Variants in PRKCE observed in about 807,000 individuals in gnomAD.
The protein encoded by PRKCE is protein kinase C epsilon type.
PRKCE carries 16 observed loss-of-function variants against 85.4 expected under a neutral mutation model. That is an observed-to-expected ratio of 0.19 (90% confidence interval 0.13 to 0.28). The LOEUF (loss-of-function observed/expected upper bound fraction) is 0.28. Among genes scored for constraint, PRKCE ranks in the 10% least tolerant of loss-of-function variants. The pLI, the probability that PRKCE is intolerant of heterozygous loss-of-function variation, is 1.00. For missense variants in PRKCE, 573 were observed against 975.2 expected, an observed-to-expected ratio of 0.59 and a Z score of 5.49; for synonymous variants, 388 against 371.5, an observed-to-expected ratio of 1.04 and a Z score of -0.51.
Position 45,807,522 on chromosome 2 carries a change from A to G in PRKCE, c.349-35478A>G, listed in dbSNP as rs77007800. On this transcript the variant is annotated intron_variant, in intron 1 of 14. Transcript: ENST00000306156. ...ACTAGAAAACAGCAAAGGGTACAGA[A>G]AAGCCATTTGTAGAAATGGAGACGA... is the stretch of plus-strand genomic sequence containing the variant. 9.6e-3 allele frequency among the ~76,000 whole-genome samples: 1,468 copies of G among 152,342 alleles called. 36 individuals are homozygous for G. Among genetic ancestry groups the G allele is most frequent in the East Asian group, 0.091 (469 of 5,176 alleles).
intron 9 of PRKCE, among the ~76,000 whole-genome samples, chr2:46,008,191 A>C (rs529727805): frequency 6.6e-6 from 1 of 152,322 alleles, no homozygotes; most frequent in Non-Finnish European, 1.5e-5. Flanking sequence ...TACACGTGGC[A>C]AGAAAATGGG....
intron 1 of PRKCE, among the ~76,000 whole-genome samples, chr2:45,703,601 C>A (rs146619641): frequency 6.6e-6 from 1 of 151,596 alleles, no homozygotes; most frequent in African/African-American, 2.4e-5. Flanking sequence ...GTAGAGGCAC[C>A]TTTTTTTTGG....
At chr2:45,737,987 A>G (rs919042470) in intron 1 of PRKCE, among the ~76,000 whole-genome samples, 1 of 151,618 alleles carries the variant, frequency 6.6e-6, no homozygotes, top group African/African-American at 2.4e-5. Context: ...CCTTTTCCCC[A>G]TGTGCTCAAC....
At chr2:45,737,854 C>T (rs1682214231) in intron 1 of PRKCE, among the ~76,000 whole-genome samples, 1 of 152,148 alleles carries the variant, frequency 6.6e-6, no homozygotes, top group Non-Finnish European at 1.5e-5. Flanking sequence ...TCAACCTGGA[C>T]ATCGCCCCAA....
intron 10 of PRKCE, among the ~76,000 whole-genome samples, chr2:46,039,911 T>A (rs1449738089): frequency 6.6e-6 from 1 of 152,240 alleles, no homozygotes; most frequent in African/African-American, 2.4e-5. Context: ...CCATCCTAGA[T>A]TTATTTCTCT....
rs1345337935 is a variant in PRKCE at position 45,931,746 on chromosome 2, A to T, written c.413-44683A>T. On this transcript the variant is annotated intron_variant, in intron 2 of 14. Coordinates refer to ENST00000306156, the MANE Select transcript of PRKCE (RefSeq NM_005400.3). ...TTTTGAGAGAGAGTCTTGCTCTGCC[A>T]CCCAGGCTGGAGTGCAGTGGCGCGA... 2.0e-5 allele frequency among the ~76,000 whole-genome samples: 3 copies of T among 152,028 alleles called. No homozygotes were observed. In the South Asian group the frequency reaches 6.2e-4, roughly 32 times the overall value.
chr2:45,732,020 C>T (rs6727174), intron 1 of PRKCE, among the ~76,000 whole-genome samples: 9,134 of 152,206 alleles, frequency 0.06, 908 homozygotes, highest in African/African-American at 0.2. Context: ...CTAGAAATTC[C>T]ACCCTTAGAA....
chr2:45,941,242 G>A (rs958873248), intron 2 of PRKCE, among the ~76,000 whole-genome samples: 111 of 152,194 alleles, frequency 7.3e-4, no homozygotes, highest in African/African-American at 2.5e-3. Context: ...ACCCATTCTA[G>A]TGGCTGAGAT....
At chr2:46,111,841 G>A (rs1672284001) in intron 11 of PRKCE, among the ~76,000 whole-genome samples, 1 of 152,160 alleles carries the variant, frequency 6.6e-6, no homozygotes, top group African/African-American at 2.4e-5. Flanking sequence ...GAGTGGACTT[G>A]CTGGGTCAAG....
At chr2:45,722,249 A>G (rs6544846) in intron 1 of PRKCE, among the ~76,000 whole-genome samples, 130,068 of 152,160 alleles carry the variant, frequency 0.85, 55,911 homozygotes, top group East Asian at 0.94. Context: ...AGTTTTTATT[A>G]TTCTTTAAGT....
At chr2:46,034,815 G>A (rs896205011) in intron 10 of PRKCE, among the ~76,000 whole-genome samples, 1 of 152,256 alleles carries the variant, frequency 6.6e-6, no homozygotes, top group Non-Finnish European at 1.5e-5. Context: ...ATAGTGCCAT[G>A]CACGTATCAG....
At chr2:45,974,388 A>G (rs1049168029) in intron 2 of PRKCE, among the ~76,000 whole-genome samples, 6 of 152,170 alleles carry the variant, frequency 3.9e-5, no homozygotes, top group African/African-American at 1.2e-4. Flanking sequence ...CGGTGATGCC[A>G]GAGACTTTTT....
chr2:45,784,571 G>C (rs947703685), intron 1 of PRKCE, among the ~76,000 whole-genome samples: 2 of 151,720 alleles, frequency 1.3e-5, no homozygotes, highest in Admixed American at 1.3e-4. Flanking sequence ...CATCCCATTA[G>C]AGGGTTAGAG....
At chr2:45,998,003 G>T (rs1396201474) in intron 6 of PRKCE, among the ~76,000 whole-genome samples, 2 of 151,940 alleles carry the variant, frequency 1.3e-5, no homozygotes, top group African/African-American at 4.8e-5. Flanking sequence ...TTCCATTGTG[G>T]TCTAAAGCCA....
chr2:46,178,462 G>C (rs1487205997), intron 14 of PRKCE, among the ~76,000 whole-genome samples: 2 of 152,356 alleles, frequency 1.3e-5, no homozygotes, highest in East Asian at 1.9e-4. Flanking sequence ...TTGAGAGTTA[G>C]ATTCTCATTT....
chr2:45,891,943 C>G (rs150507460), intron 2 of PRKCE, among the ~76,000 whole-genome samples: 172 of 152,306 alleles, frequency 1.1e-3, no homozygotes, highest in African/African-American at 3.9e-3. Flanking sequence ...ACAGTGCTGC[C>G]GCAGCATTCC....
At chr2:45,954,729 A>G (rs976171495) in intron 2 of PRKCE, among the ~76,000 whole-genome samples, 1 of 152,248 alleles carries the variant, frequency 6.6e-6, no homozygotes, top group African/African-American at 2.4e-5. Context: ...CTGTCAAGAA[A>G]TGCAAGTACT....
intron 2 of PRKCE, among the ~76,000 whole-genome samples, chr2:45,911,714 C>G (rs1052430837): frequency 6.6e-6 from 1 of 152,354 alleles, no homozygotes; most frequent in South Asian, 2.1e-4. Context: ...GATTGCCCCA[C>G]AACGGTCACA....
At chr2:45,718,631 T>C (rs181771212) in intron 1 of PRKCE, among the ~76,000 whole-genome samples, 1 of 152,212 alleles carries the variant, frequency 6.6e-6, no homozygotes, top group Non-Finnish European at 1.5e-5. Context: ...CATGAGCCAC[T>C]GCGCCCAGCC....
Sources: gnomAD v4.1 joint callset for allele counts (sites outside exome capture counted in the v4.1 genomes callset) on GRCh38, gnomAD v4.1.1 for gene constraint, MANE v1.5 for transcripts, NCBI Gene and HGNC (gene_info 2026-07-23, HGNC 2026-07-21) for gene names.